Variants in ST3GAL3 observed in about 807,000 individuals in gnomAD.
ST3GAL3 encodes the protein CMP-N-acetylneuraminate-beta-1,4-galactoside alpha-2,3-sialyltransferase.
A neutral mutation model predicts 50.1 loss-of-function variants in ST3GAL3; 21 were observed. That is an observed-to-expected ratio of 0.42 (90% CI 0.30 to 0.60). ST3GAL3 has a LOEUF of 0.60. Ranked by LOEUF, ST3GAL3 falls within the 20% of genes least tolerant of loss-of-function variation. The probability of loss-of-function intolerance (pLI) is 0.19; values close to 1 mark genes in which losing one functional copy is unlikely to be tolerated. For synonymous variants in ST3GAL3, 183 were observed against 190.0 expected (o/e 0.96, Z 0.30); for missense variants, 353 against 489.4 (o/e 0.72, Z 2.63).
In ST3GAL3 at chr1:43,730,130, C is replaced by T. The variant is rs371198795; in HGVS notation, c.-30-6103C>T. On this transcript the variant is annotated intron_variant, in intron 1 of 11. Transcript: ENST00000347631. ...TTGTCTACTTTTGGAAATCAGTTTCCTCCTTGGGATTTGTTCTACTCTTGT... is the reference window on the plus strand; with the variant it reads ...TTGTCTACTTTTGGAAATCAGTTTCTTCCTTGGGATTTGTTCTACTCTTGT... Among the ~76,000 whole-genome samples the T allele has an allele frequency of 1.4e-4, 21 of 152,286 alleles. No homozygotes were observed. In the South Asian group the frequency reaches 1.5e-3, roughly 11 times the overall value.
At chr1:43,885,837 C>T in intron 5 of ST3GAL3, among the ~76,000 whole-genome samples, 1 of 152,182 alleles carries the variant, frequency 6.6e-6, no homozygotes, top group Non-Finnish European at 1.5e-5. Flanking sequence ...ATGCAAGCCT[C>T]CCTCGGGGAG....
chr1:43,800,164 T>C (rs539977062), intron 3 of ST3GAL3, among the ~76,000 whole-genome samples: 1 of 152,308 alleles, frequency 6.6e-6, no homozygotes, highest in South Asian at 2.1e-4. Flanking sequence ...AGCTTCCTAC[T>C]AGGCCTCTCA....
chr1:43,847,558 A>C (rs1164179934), intron 5 of ST3GAL3, among the ~76,000 whole-genome samples: 1 of 152,224 alleles, frequency 6.6e-6, no homozygotes, highest in East Asian at 1.9e-4. Context: ...GTGTGATTCC[A>C]TTCATATGAG....
intron 2 of ST3GAL3, among the ~76,000 whole-genome samples, chr1:43,764,073 TAACTGCTATA>T (rs548978317): frequency 7.0e-4 from 106 of 152,294 alleles, no homozygotes; most frequent in African/African-American, 2.5e-3. Flanking sequence ...ACTCAGAAAG[TAACTGCTATA>T]ATTACAATAG....
intron 2 of ST3GAL3, chr1:43,738,007 A>G (rs540776477): frequency 6.6e-6 from 1 of 152,356 alleles, no homozygotes; most frequent in Admixed American, 6.5e-5. Flanking sequence ...TATTGTTGGA[A>G]CTGGAATTCA....
chr1:43,805,864 T>C (rs1460041459), intron 3 of ST3GAL3, among the ~76,000 whole-genome samples: 2 of 152,120 alleles, frequency 1.3e-5, no homozygotes, highest in Admixed American at 6.5e-5. Flanking sequence ...GCCTTCTGAG[T>C]AGCTGGGATT....
rs1685882836 is a variant in ST3GAL3 at position 43,751,085 on chromosome 1, A to G, written c.118+14705A>G. On this transcript the variant is annotated intron_variant, in intron 2 of 11. Coordinates refer to ENST00000347631, the MANE Select transcript of ST3GAL3 (RefSeq NM_006279.5). The stretch of plus-strand genomic sequence containing the variant: ...AGAAAAATTGATAAAATGCAGGAAC[A>G]TCTTAATTTCACAGAAGGAAAATTA... Among the ~76,000 whole-genome samples, 3 of 152,218 alleles carry G rather than the reference A, an allele frequency of 2.0e-5. No homozygotes were observed. The South Asian group carries it at 6.2e-4, about 31-fold the overall frequency.
intron 1 of ST3GAL3, among the ~76,000 whole-genome samples, chr1:43,718,253 G>T (rs942619379): frequency 2.1e-5 from 3 of 141,778 alleles, no homozygotes; most frequent in Non-Finnish European, 3.0e-5. Flanking sequence ...GCAGTGGCGC[G>T]ATCTTGGCTC....
chr1:43,925,961 C>T (rs965647592), intron 11 of ST3GAL3, among the ~76,000 whole-genome samples: 7 of 152,088 alleles, frequency 4.6e-5, no homozygotes, highest in Admixed American at 4.6e-4. Context: ...GAGTGGAAGC[C>T]AGATTGCAGT....
chr1:43,817,597 CCCTT>C (rs1558437870), intron 4 of ST3GAL3, among the ~76,000 whole-genome samples: 121 of 77,262 alleles, frequency 1.6e-3, no homozygotes, highest in Non-Finnish European at 1.8e-3. Flanking sequence ...TTCTCCTCCT[CCCTT>C]CTCCTTCTCC....
At chr1:43,797,131 T>A (rs2058765780) in intron 3 of ST3GAL3, among the ~76,000 whole-genome samples, 1 of 152,150 alleles carries the variant, frequency 6.6e-6, no homozygotes, top group South Asian at 2.1e-4. Flanking sequence ...AAGGCTGCAG[T>A]TAGCTATGAT....
intron 1 of ST3GAL3, among the ~76,000 whole-genome samples, chr1:43,720,035 G>A (rs1296623404): frequency 6.6e-6 from 1 of 151,446 alleles, no homozygotes; most frequent in African/African-American, 2.4e-5. Context: ...TTGAGCCCAG[G>A]AGTTAGAGAC....
At chr1:43,759,659 T>G (rs1689558889) in intron 2 of ST3GAL3, among the ~76,000 whole-genome samples, 1 of 152,212 alleles carries the variant, frequency 6.6e-6, no homozygotes, top group African/African-American at 2.4e-5. Flanking sequence ...TGTTGGCATC[T>G]GCACTGATGC....
intron 4 of ST3GAL3, among the ~76,000 whole-genome samples, chr1:43,826,762 A>T (rs2062857531): frequency 6.6e-6 from 1 of 152,226 alleles, no homozygotes; most frequent in Non-Finnish European, 1.5e-5. Context: ...AGTGGGATTT[A>T]TTCCAGGTAT....
At chr1:43,720,646 T>G (rs1182451110) in intron 1 of ST3GAL3, 1 of 152,060 alleles carries the variant, frequency 6.6e-6, no homozygotes, top group Non-Finnish European at 1.5e-5. Flanking sequence ...TTCATGAGGG[T>G]GGAGCCCTCA....
intron 3 of ST3GAL3, chr1:43,801,232 T>C (rs2059278924): frequency 2.2e-6 from 1 of 455,688 alleles, no homozygotes; most frequent in Non-Finnish European, 4.4e-6. Context: ...GGGCAATATT[T>C]GTGGTTGTCA....
chr1:43,851,225 T>A (rs892359463), intron 5 of ST3GAL3: 124 of 1,554,922 alleles, frequency 8.0e-5, no homozygotes, highest in Non-Finnish European at 1.0e-4. Flanking sequence ...GTTCACCTTA[T>A]AGGGCATAGA....
At chr1:43,858,377 G>A in intron 5 of ST3GAL3, 2 of 1,198,906 alleles carry the variant, frequency 1.7e-6, no homozygotes, top group South Asian at 1.5e-5. Context: ...CCAGTTCCAG[G>A]CTCCAGCCTA....
intron 2 of ST3GAL3, among the ~76,000 whole-genome samples, chr1:43,790,875 A>T (rs1162463243): frequency 6.6e-6 from 1 of 151,592 alleles, no homozygotes; most frequent in African/African-American, 2.4e-5. Flanking sequence ...TGACCTCGTG[A>T]TCCACCCACC....
Sources: allele counts gnomAD v4.1 joint callset (sites outside exome capture counted in the v4.1 genomes callset), GRCh38; gene constraint gnomAD v4.1.1; transcripts MANE v1.5; gene names NCBI Gene and HGNC (gene_info 2026-07-23, HGNC 2026-07-21).